Variants in LZTFL1 observed in about 807,000 individuals in gnomAD.
LZTFL1 encodes leucine zipper transcription factor-like protein 1.
Under a neutral mutation model 45.9 loss-of-function variants are expected in LZTFL1, and 25 were observed. The ratio of observed to expected loss-of-function variants is 0.54; its 90% confidence interval spans 0.40 to 0.76. LZTFL1 has a LOEUF of 0.76. LZTFL1 is among the 30% of genes least tolerant of loss of function. The probability of loss-of-function intolerance (pLI) is 0.00; values close to 1 mark genes in which losing one functional copy is unlikely to be tolerated. For missense variants in LZTFL1, 277 were observed against 331.1 expected (o/e 0.84, Z 1.27); for synonymous variants, 93 against 117.4 (o/e 0.79, Z 1.35).
chr3:45,865,968 A>G (rs1701572208), intron 2 of LZTFL1, among the ~76,000 whole-genome samples: 1 of 152,236 alleles, frequency 6.6e-6, no homozygotes, highest in African/African-American at 2.4e-5. Context: ...ATAGGAAACA[A>G]CTATTGGTAC....
In LZTFL1 at chr3:45,901,492, C is replaced by T; in HGVS notation, c.-215+11628G>A. On this transcript the variant is annotated intron_variant, in intron 2 of 4. Coordinates refer to the LZTFL1 transcript ENST00000472635. The surrounding 1 kb of genome is among the most constrained non-coding windows in gnomAD (Gnocchi z 4.3). ...TTCGTGGTCATGGCTTGCTGCTATACCATCATCATTCACACCCTGATACAA... is the reference window on the plus strand; with the variant it reads ...TTCGTGGTCATGGCTTGCTGCTATATCATCATCATTCACACCCTGATACAA... The T allele has an allele frequency of 2.5e-6, 4 of 1,614,142 alleles. No homozygotes were observed. Among genetic ancestry groups the T allele is most frequent in the South Asian group, 1.1e-5 (1 of 91,086 alleles).
chr3:45,864,270 G>A (rs1701542361), intron 2 of LZTFL1, among the ~76,000 whole-genome samples: 1 of 152,214 alleles, frequency 6.6e-6, no homozygotes, highest in Non-Finnish European at 1.5e-5. Flanking sequence ...TCAAAATAAT[G>A]AGGAAGGCAT....
rs72883078 is a variant in LZTFL1, at chr3:45,873,278, C to T, written c.-214-14262G>A. Among the ~76,000 whole-genome samples, 53 of 152,274 alleles carry T rather than the reference C, an allele frequency of 3.5e-4. No individual in the cohort carries two copies. The South Asian group carries it at 6.0e-3, about 17-fold the overall frequency. ...ATTTCCAACAAGCTCCTAGGTGATG[C>T]TAGTGTTGCTCTATGGGCCATGCAT... is the stretch of plus-strand genomic sequence containing the variant. On this transcript the variant is annotated intron_variant, in intron 2 of 4. Coordinates refer to the LZTFL1 transcript ENST00000472635.
At chr3:45,889,018 C>G (rs1702065569) in intron 2 of LZTFL1, among the ~76,000 whole-genome samples, 3 of 152,190 alleles carry the variant, frequency 2.0e-5, no homozygotes, top group African/African-American at 7.2e-5. Context: ...CAGGGTCTTG[C>G]TCTGTCACTC....
chr3:45,886,847 G>C (rs1329823587), intron 2 of LZTFL1, among the ~76,000 whole-genome samples: 1 of 152,054 alleles, frequency 6.6e-6, no homozygotes, highest in African/African-American at 2.4e-5. Flanking sequence ...TTTCTTGTAG[G>C]GCGAGTAATA....
chr3:45,828,376 C>A, intron 8 of LZTFL1, 63 bp downstream of exon 8: 1 of 1,455,452 alleles, frequency 6.9e-7, no homozygotes, highest in South Asian at 1.2e-5. Flanking sequence ...CACATGTATT[C>A]CTCTATACTG....
intron 4 of LZTFL1, among the ~76,000 whole-genome samples, chr3:45,850,959 C>A (rs1701297830): frequency 6.6e-6 from 1 of 152,152 alleles, no homozygotes; most frequent in South Asian, 2.1e-4. Context: ...AATGGCTCCA[C>A]CCTATCTTGC....
At chr3:45,896,509 G>A (rs1396150716) in intron 2 of LZTFL1, among the ~76,000 whole-genome samples, 1 of 152,212 alleles carries the variant, frequency 6.6e-6, no homozygotes, top group Non-Finnish European at 1.5e-5. Context: ...CAGCGTCACA[G>A]TAAAGGCAGA....
intron 3 of LZTFL1, among the ~76,000 whole-genome samples, chr3:45,857,178 T>C (rs1326579020): frequency 6.6e-6 from 1 of 152,260 alleles, no homozygotes; most frequent in Non-Finnish European, 1.5e-5. Flanking sequence ...CACCATGGAA[T>C]ACTACGCAGC....
upstream of LZTFL1, among the ~76,000 whole-genome samples, chr3:45,843,595 T>C (rs979428124): frequency 6.6e-6 from 1 of 152,238 alleles, no homozygotes; most frequent in African/African-American, 2.4e-5. Flanking sequence ...AATGCAAATA[T>C]TACATTTGTG....
intron 4 of LZTFL1, among the ~76,000 whole-genome samples, chr3:45,849,492 A>C (rs566230382): frequency 6.6e-6 from 1 of 152,330 alleles, no homozygotes; most frequent in African/African-American, 2.4e-5. Context: ...AACTGAACAC[A>C]CTAAAACCCA....
At chr3:45,835,440 G>T in intron 3 of LZTFL1, 150 bp downstream of exon 3, 2 of 650,026 alleles carry the variant, frequency 3.1e-6, no homozygotes, top group South Asian at 1.9e-5. Context: ...GTACCCAAGA[G>T]ATCACTCAGT....
rs934605303 is a variant in LZTFL1, at chr3:45,900,202, C to CT, written c.-215+12917dup. ...AATAATTTTTGGACCACGGGTCCTG[C>CT]TAACTATAGAGCAGGTCATGGTGCT... On this transcript the variant is annotated intron_variant, in intron 2 of 4. Transcript: ENST00000472635. This position sits in a 1 kb window ranked among gnomAD's most constrained non-coding sequence, Gnocchi z 4.7. Among the ~76,000 whole-genome samples the CT allele has an allele frequency of 1.4e-4, 21 of 152,148 alleles. No homozygotes were observed. The highest frequency in any genetic ancestry group is 6.8e-3 in the Middle Eastern group (2 of 294).
intron 2 of LZTFL1, among the ~76,000 whole-genome samples, chr3:45,898,058 C>T (rs1173231824): frequency 6.6e-6 from 1 of 151,634 alleles, no homozygotes; most frequent in African/African-American, 2.4e-5. Context: ...AAGTTTAGCA[C>T]TTATTCATTG....
chr3:45,873,303 T>C (rs1024494198), intron 2 of LZTFL1, among the ~76,000 whole-genome samples: 3 of 152,234 alleles, frequency 2.0e-5, no homozygotes, highest in African/African-American at 7.2e-5. Context: ...GGGCCATGCA[T>C]TGTACTGGGA....
At chr3:45,854,157 T>C (rs1374945903) in intron 4 of LZTFL1, among the ~76,000 whole-genome samples, 2 of 152,216 alleles carry the variant, frequency 1.3e-5, no homozygotes, top group Non-Finnish European at 2.9e-5. Flanking sequence ...CCCCTGAACA[T>C]TGGTATCCCT....
chr3:45,906,184 G>A (rs1282311934), intron 2 of LZTFL1, among the ~76,000 whole-genome samples: 6 of 152,134 alleles, frequency 3.9e-5, no homozygotes, highest in East Asian at 1.9e-4. Context: ...GTGGTTGGGC[G>A]CCAGTCACAG....
chr3:45,895,782 T>C (rs368860263), intron 2 of LZTFL1, among the ~76,000 whole-genome samples: 1 of 152,114 alleles, frequency 6.6e-6, no homozygotes, highest in Non-Finnish European at 1.5e-5. Context: ...TACAGCCGAA[T>C]GTAATTAAGT....
chr3:45,899,974 C>A (rs934232448), intron 2 of LZTFL1, among the ~76,000 whole-genome samples: 2 of 151,946 alleles, frequency 1.3e-5, no homozygotes, highest in Admixed American at 6.6e-5. Flanking sequence ...TGAGTGTGTA[C>A]CTATGTGTAT....
Sources: allele counts gnomAD v4.1 joint callset (sites outside exome capture counted in the v4.1 genomes callset), GRCh38; gene constraint gnomAD v4.1.1; non-coding constraint Gnocchi (gnomAD v3.1); transcripts MANE v1.5; gene names NCBI Gene and HGNC (gene_info 2026-07-23, HGNC 2026-07-21).